Variants in SHOC2 observed in about 807,000 individuals in gnomAD.
The protein encoded by SHOC2 is leucine-rich repeat protein SHOC-2.
A neutral mutation model predicts 50.2 loss-of-function variants in SHOC2; 4 were observed. The observed-to-expected ratio is 0.08, with a 90% CI of 0.04 to 0.18. The LOEUF is 0.18. Ranked by LOEUF, SHOC2 falls within the 10% of genes least tolerant of loss-of-function variation. The pLI, the probability that SHOC2 is intolerant of heterozygous loss-of-function variation, is 1.00. For missense variants in SHOC2, 388 were observed against 669.6 expected (o/e 0.58, Z 4.64); for synonymous variants, 218 against 244.5 (o/e 0.89, Z 1.01).
chr10:111,003,239 G>A (rs1279935589), intron 4 of SHOC2, among the ~76,000 whole-genome samples: 3 of 152,176 alleles, frequency 2.0e-5, no homozygotes, highest in Non-Finnish European at 4.4e-5. Flanking sequence ...ATTTGCTGAT[G>A]GTGGACAACT....
chr10:110,987,236 T>A (rs1345738561), intron 3 of SHOC2, among the ~76,000 whole-genome samples: 1 of 152,210 alleles, frequency 6.6e-6, no homozygotes, highest in East Asian at 1.9e-4. Context: ...CTGATTTTGG[T>A]TTTGGAAGAT....
chr10:110,958,153 C>T (rs939027754), intron 1 of SHOC2, among the ~76,000 whole-genome samples: 13 of 152,036 alleles, frequency 8.6e-5, no homozygotes, highest in African/African-American at 2.4e-4. Flanking sequence ...TTGACAATAC[C>T]CTTTCCTAGT....
At chr10:111,011,147 T>C (rs1207435816) in intron 8 of SHOC2, among the ~76,000 whole-genome samples, 1 of 152,180 alleles carries the variant, frequency 6.6e-6, no homozygotes, top group African/African-American at 2.4e-5. Context: ...AAGTAACAAA[T>C]ATTTTGCACA....
intron 3 of SHOC2, among the ~76,000 whole-genome samples, chr10:110,992,195 G>T (rs759337553): frequency 5.9e-5 from 9 of 152,088 alleles, no homozygotes; most frequent in Non-Finnish European, 1.2e-4. Flanking sequence ...AGGCTGAGAA[G>T]CTAGTATCGC....
chr10:111,005,655 T>G (rs1049021220), intron 5 of SHOC2, among the ~76,000 whole-genome samples: 2 of 152,216 alleles, frequency 1.3e-5, no homozygotes, highest in Middle Eastern at 3.2e-3. Flanking sequence ...GTTAGTTTCC[T>G]TTTGCTTACC....
At position 110,964,229 on chromosome 10, in the gene SHOC2, T is replaced by C; in HGVS notation, c.-130T>C. The C allele has an allele frequency of 2.9e-6, 4 of 1,378,974 alleles. No homozygotes were observed. Among genetic ancestry groups the C allele is most frequent in the Non-Finnish European group, 2.9e-6 (3 of 1,022,414 alleles). 85.4% of individuals were successfully genotyped at this position (1,378,974 alleles called of 1,614,324 possible). On this transcript the variant is annotated 5_prime_UTR_variant, in exon 2 of 9. Coordinates refer to ENST00000369452, the MANE Select transcript of SHOC2 (RefSeq NM_007373.4). This position sits in a 1 kb window ranked among gnomAD's most constrained non-coding sequence, Gnocchi z 4.9. Reference sequence around the variant, plus strand: ...GATCCAACATGTAACAGATGGATGTTACTCCATGCTGATTACTTCTTCAAG... The same window carrying C: ...GATCCAACATGTAACAGATGGATGTCACTCCATGCTGATTACTTCTTCAAG...
intron 5 of SHOC2, among the ~76,000 whole-genome samples, chr10:111,006,715 C>T (rs1370676248): frequency 6.6e-6 from 1 of 152,154 alleles, no homozygotes. Context: ...TAAAATAATA[C>T]TGCCACTGAG....
Position 110,999,323 on chromosome 10 carries a change from T to C in SHOC2, c.842-1092T>C, listed in dbSNP as rs115489863. Among the ~76,000 whole-genome samples the C allele has an allele frequency of 8.7e-3, 1,319 of 152,342 alleles. 18 individuals are homozygous for C. The highest frequency in any genetic ancestry group is 0.03 in the African/African-American group (1,256 of 41,576). ...CTTTTTTTGTATCAAAATTAACTTATTTTTAACGTATATTGTTTGCAGAAT... is the reference window on the plus strand; with the variant it reads ...CTTTTTTTGTATCAAAATTAACTTACTTTTAACGTATATTGTTTGCAGAAT... On this transcript the variant is annotated intron_variant, in intron 3 of 8. Transcript: ENST00000369452.
rs571316734 is a variant in SHOC2 at position 110,936,475 on chromosome 10, T to A, written c.-235+16818T>A. On this transcript the variant is annotated intron_variant, in intron 1 of 8. Coordinates refer to ENST00000369452, the MANE Select transcript of SHOC2 (RefSeq NM_007373.4). ...AGATAGTAATGTTTTTTGCGTAGAT[T>A]CTCAAAGGATTCTCTTTTTAAATCT... The A allele has an allele frequency of 5.3e-6, 3 of 562,864 alleles. No individual in the cohort carries two copies. The African/African-American group carries it at 5.7e-5, about 11-fold the overall frequency. The allele number at this position is 562,864 out of a possible 1,614,324, so 34.9% of individuals were successfully genotyped here.
chr10:111,005,025 C>A (rs1421618174), intron 5 of SHOC2, among the ~76,000 whole-genome samples: 2 of 152,156 alleles, frequency 1.3e-5, no homozygotes, highest in African/African-American at 4.8e-5. Flanking sequence ...GTGGCTGATG[C>A]ACCTGTAATC....
chr10:110,983,737 A>C (rs1848027545), intron 2 of SHOC2, among the ~76,000 whole-genome samples: 2 of 152,140 alleles, frequency 1.3e-5, no homozygotes, highest in Non-Finnish European at 2.9e-5. Context: ...GAATTTGACT[A>C]TTCCAGGTAC....
intron 1 of SHOC2, among the ~76,000 whole-genome samples, chr10:110,948,356 A>G (rs1280048741): frequency 6.6e-6 from 1 of 152,216 alleles, no homozygotes; most frequent in Non-Finnish European, 1.5e-5. Context: ...CAATAAAGAA[A>G]TAACAGACTT....
At chr10:110,987,196 C>G (rs990153621) in intron 3 of SHOC2, among the ~76,000 whole-genome samples, 3 of 152,116 alleles carry the variant, frequency 2.0e-5, no homozygotes, top group African/African-American at 7.2e-5. Context: ...TGTTTCTGTT[C>G]TGGTGCTTAG....
chr10:110,939,098 G>A (rs1303640025), intron 1 of SHOC2, among the ~76,000 whole-genome samples: 2 of 152,074 alleles, frequency 1.3e-5, no homozygotes, highest in African/African-American at 2.4e-5. Context: ...TAGCCCTCCC[G>A]ACTTATTTTT....
In SHOC2 at chr10:110,997,183, T is replaced by C. The variant is rs1848283492; in HGVS notation, c.842-3232T>C. Among the ~76,000 whole-genome samples, 4 of 152,268 alleles carry C rather than the reference T, an allele frequency of 2.6e-5. No individual in the cohort carries two copies. In the South Asian group the frequency reaches 8.3e-4, roughly 32 times the overall value. On this transcript the variant is annotated intron_variant, in intron 3 of 8. Transcript: ENST00000369452. Reference sequence around the variant, plus strand: ...TGCAATATATAGTCTAATATACTATTAAAAACATGTACAGGCATATAATGC... The same window carrying C: ...TGCAATATATAGTCTAATATACTATCAAAAACATGTACAGGCATATAATGC...
chr10:110,924,930 G>A (rs1026578775), intron 1 of SHOC2, among the ~76,000 whole-genome samples: 2 of 151,818 alleles, frequency 1.3e-5, no homozygotes, highest in African/African-American at 2.4e-5. Flanking sequence ...AATTAGCTGG[G>A]CGTGGTGGCA....
intron 4 of SHOC2, among the ~76,000 whole-genome samples, chr10:111,004,252 G>A (rs1158420197): frequency 1.3e-5 from 2 of 152,214 alleles, no homozygotes; most frequent in African/African-American, 4.8e-5. Context: ...TTTCTGCAAT[G>A]TAGAAGTTTC....
At chr10:110,955,200 A>T (rs1847435835) in intron 1 of SHOC2, among the ~76,000 whole-genome samples, 1 of 152,114 alleles carries the variant, frequency 6.6e-6, no homozygotes, top group Non-Finnish European at 1.5e-5. Flanking sequence ...CCAAGGTAGG[A>T]GACAAGGTAG....
At chr10:110,969,286 T>G (rs2134127205) in intron 2 of SHOC2, among the ~76,000 whole-genome samples, 1 of 152,332 alleles carries the variant, frequency 6.6e-6, no homozygotes, top group South Asian at 2.1e-4. Flanking sequence ...TGAAAAAGAC[T>G]CTTCACTCTA....
Sources: allele counts gnomAD v4.1 joint callset (sites outside exome capture counted in the v4.1 genomes callset), GRCh38; gene constraint gnomAD v4.1.1; non-coding constraint Gnocchi (gnomAD v3.1); transcripts MANE v1.5; gene names NCBI Gene and HGNC (gene_info 2026-07-23, HGNC 2026-07-21).